The following ESRP1 variants were observed in gnomAD, a reference collection of about 807,000 sequenced individuals.
ESRP1 encodes epithelial splicing regulatory protein 1.
A neutral mutation model predicts 81.7 loss-of-function variants in ESRP1; 33 were observed. That is an observed-to-expected ratio of 0.40 (90% confidence interval 0.31 to 0.54). The LOEUF (loss-of-function observed/expected upper bound fraction) is 0.54, where lower values mean the gene tolerates loss of function less well. Ranked by LOEUF, ESRP1 falls within the 20% of genes least tolerant of loss-of-function variation. The pLI is 0.41. For missense variants in ESRP1, 672 were observed against 833.1 expected, an observed-to-expected ratio of 0.81 and a Z score of 2.38; for synonymous variants, 320 against 303.3, an observed-to-expected ratio of 1.06 and a Z score of -0.57.
At chr8:94,650,861 G>T (rs1285658510) in intron 4 of ESRP1, among the ~76,000 whole-genome samples, 1 of 151,932 alleles carries the variant, frequency 6.6e-6, no homozygotes, top group Non-Finnish European at 1.5e-5. Flanking sequence ...ACAGGCGCCC[G>T]CCCATGGCTA....
chr8:94,673,616 G>C (rs886371836), intron 11 of ESRP1, among the ~76,000 whole-genome samples: 8 of 152,156 alleles, frequency 5.3e-5, no homozygotes, highest in African/African-American at 1.7e-4. Flanking sequence ...TTTGAAATAG[G>C]GGGTTTTAGC....
rs143507219 is a variant in ESRP1, at chr8:94,671,040, T to C, written c.1234-413T>C. Among the ~76,000 whole-genome samples the C allele has an allele frequency of 5.4e-3, 820 of 152,326 alleles. 7 individuals are homozygous for C. Among genetic ancestry groups the C allele is most frequent in the Middle Eastern group, 0.027 (8 of 294 alleles). Reference sequence around the variant, plus strand: ...ATACTGTGTACTTAGTGAAATGATATATTTCTACTTTTGCTACAAAAGTCC... The same window carrying C: ...ATACTGTGTACTTAGTGAAATGATACATTTCTACTTTTGCTACAAAAGTCC... On this transcript the variant is annotated intron_variant, in intron 10 of 15. Transcript: ENST00000433389.
chr8:94,689,758 G>A (rs963063996), intron 13 of ESRP1, among the ~76,000 whole-genome samples: 22 of 144,234 alleles, frequency 1.5e-4, no homozygotes, highest in Admixed American at 7.9e-4. Context: ...AGTGATTCTC[G>A]TGCCTCAGCC....
At chr8:94,646,097 G>A in intron 3 of ESRP1, 71 bp from the exon 4 acceptor site, 1 of 746,820 alleles carries the variant, frequency 1.3e-6, no homozygotes, top group Non-Finnish European at 2.2e-6. Context: ...TCAATTTTTA[G>A]GTTCCTAATT....
intron 4 of ESRP1, among the ~76,000 whole-genome samples, chr8:94,660,563 A>T (rs1349709293): frequency 3.3e-5 from 5 of 151,960 alleles, no homozygotes; most frequent in African/African-American, 9.7e-5. Context: ...ACATGGTGAA[A>T]CCCCATCTCT....
At chr8:94,679,504 A>G (rs1415720559) in intron 13 of ESRP1, among the ~76,000 whole-genome samples, 1 of 152,202 alleles carries the variant, frequency 6.6e-6, no homozygotes, top group Non-Finnish European at 1.5e-5. Context: ...ATTGTAGAAT[A>G]TCCACTTCCA....
chr8:94,641,205 T>TG lies in ESRP1; in HGVS notation c.-111dup. The stretch of plus-strand genomic sequence containing the variant: ...CACTAGCAGTAGCAAGGAAGGGGGG[T>TG]GGGCGCTCTTTCTTTTTCTCTTAGA... On this transcript the variant is annotated 5_prime_UTR_variant, in exon 1 of 16. Coordinates refer to ENST00000433389, the MANE Select transcript of ESRP1 (RefSeq NM_017697.4). The TG allele has an allele frequency of 9.8e-7, 1 of 1,019,080 alleles. No homozygotes were observed. Among genetic ancestry groups the TG allele is most frequent in the Non-Finnish European group, 1.4e-6 (1 of 716,764 alleles). 63.1% of individuals were successfully genotyped at this position (1,019,080 alleles called of 1,614,324 possible).
At chr8:94,682,933 T>TATATATATATATATATA (rs1491122070) in intron 13 of ESRP1, among the ~76,000 whole-genome samples, 8 of 16,964 alleles carry the variant, frequency 4.7e-4, no homozygotes, top group South Asian at 3.4e-3. Flanking sequence ...TATATATATA[T>TATATATATATATATATA]TTTTTTTTTT....
chr8:94,698,728 T>C (rs1809700825), intron 15 of ESRP1, among the ~76,000 whole-genome samples: 1 of 152,226 alleles, frequency 6.6e-6, no homozygotes, highest in South Asian at 2.1e-4. Context: ...TATTAACATT[T>C]TCATGGCTGA....
At chr8:94,667,141 C>T (rs922923437) in intron 9 of ESRP1, among the ~76,000 whole-genome samples, 2 of 150,632 alleles carry the variant, frequency 1.3e-5, no homozygotes, top group African/African-American at 4.9e-5. Flanking sequence ...CAACTTGAAT[C>T]TCTGCGGCGG....
chr8:94,679,023 G>A (rs1586227552), intron 13 of ESRP1, among the ~76,000 whole-genome samples: 2 of 152,132 alleles, frequency 1.3e-5, no homozygotes, highest in African/African-American at 4.8e-5. Context: ...TGGAGTACAT[G>A]CACGAGCATG....
chr8:94,669,480 TTAAAA>T (rs768239333), intron 10 of ESRP1, among the ~76,000 whole-genome samples: 9 of 152,240 alleles, frequency 5.9e-5, no homozygotes, highest in Non-Finnish European at 1.3e-4. Context: ...ATTTTTGTAC[TTAAAA>T]TAAGTATAAT....
Position 94,671,558 on chromosome 8 carries a change from A to G in ESRP1, c.1339A>G (p.Ile447Val), listed in dbSNP as rs2130640742. The stretch of plus-strand genomic sequence containing the variant: ...GCCCCCTACAAATGTTAGAGACTGT[A>G]TACGCCTTCGAGGTCTTCCCTATGC... The part of the protein sequence containing the change: ...FVPPTNVRDC[I>V]RLRGLPYAAT... Residue 447 changes from isoleucine (I) to valine (V), a missense_variant, in exon 11 of 16, where the codon ATA becomes GTA. Physicochemically the swap from Ile to Val is conservative, Grantham distance 29 (BLOSUM62 3). Transcript: ENST00000433389. 2 of 1,613,924 alleles carry G rather than the reference A, an allele frequency of 1.2e-6. No homozygotes were observed. The highest frequency in any genetic ancestry group is 1.7e-6 in the Non-Finnish European group (2 of 1,179,876).
At chr8:94,641,893 G>C in intron 1 of ESRP1, 63 bp from the exon 2 acceptor site, 1 of 1,596,592 alleles carries the variant, frequency 6.3e-7, no homozygotes, top group Non-Finnish European at 8.5e-7. Context: ...GAGCGAGGGA[G>C]GAGGGTGCAG....
intron 15 of ESRP1, among the ~76,000 whole-genome samples, chr8:94,699,480 A>G (rs1809731886): frequency 6.9e-6 from 1 of 145,870 alleles, no homozygotes; most frequent in African/African-American, 2.8e-5. Flanking sequence ...TGTCACTACG[A>G]AAAAAAATAC....
chr8:94,682,869 CAT>C (rs554057925), intron 13 of ESRP1, among the ~76,000 whole-genome samples: 8 of 109,528 alleles, frequency 7.3e-5, no homozygotes, highest in Admixed American at 1.1e-4. Flanking sequence ...TGTGTATATA[CAT>C]ATATATATTC....
chr8:94,641,360 C>A lies in ESRP1; in HGVS notation c.42C>A (p.Ile14=), dbSNP rs369835294. The A allele has an allele frequency of 2.5e-6, 4 of 1,613,456 alleles. No individual in the cohort carries two copies. ...SPDYLVVLFG[I]TAGATGAKLG... The stretch of plus-strand genomic sequence containing the variant: ...ATTACTTGGTGGTGCTTTTTGGGAT[C>A]ACTGCTGGGGCCACCGGGGCCAAGC... The change falls in exon 1 of 16, where the codon ATC becomes ATA. Residue 14 remains isoleucine (I), a synonymous_variant. Coordinates refer to ENST00000433389, the MANE Select transcript of ESRP1 (RefSeq NM_017697.4).
chr8:94,645,697 C>T (rs1171311123), intron 3 of ESRP1, among the ~76,000 whole-genome samples: 1 of 152,136 alleles, frequency 6.6e-6, no homozygotes, highest in East Asian at 1.9e-4. Context: ...CTATTCTAAT[C>T]TCACTTATTA....
At chr8:94,643,262 C>T in intron 2 of ESRP1, 41 bp from the exon 3 acceptor site, 1 of 1,342,652 alleles carries the variant, frequency 7.4e-7, no homozygotes, top group South Asian at 1.2e-5. Context: ...GTTTGTAAAT[C>T]GTGCATCAGT....
Sources: gnomAD v4.1 joint callset for allele counts (sites outside exome capture counted in the v4.1 genomes callset) on GRCh38, gnomAD v4.1.1 for gene constraint, MANE v1.5 for transcripts, NCBI Gene and HGNC (gene_info 2026-07-23, HGNC 2026-07-21) for gene names.